Variants in MLKL observed in about 807,000 individuals in gnomAD.
The protein encoded by MLKL is mixed lineage kinase domain-like protein.
Under a neutral mutation model 56.5 loss-of-function variants are expected in MLKL, and 55 were observed. The ratio of observed to expected loss-of-function variants is 0.97; its 90% CI spans 0.78 to 1.22. MLKL has a LOEUF of 1.22. Ranked by LOEUF, MLKL falls within the 50% of genes most tolerant of loss-of-function variation. The probability of loss-of-function intolerance (pLI) is 0.00; values close to 1 mark genes in which losing one functional copy is unlikely to be tolerated. For synonymous variants in MLKL, 251 were observed against 208.3 expected, an observed-to-expected ratio of 1.20 and a Z score of -1.76; for missense variants, 694 against 573.9, an observed-to-expected ratio of 1.21 and a Z score of -2.14.
intron 1 of MLKL, among the ~76,000 whole-genome samples, chr16:74,696,706 C>G (rs963356018): frequency 3.3e-5 from 5 of 150,744 alleles, no homozygotes; most frequent in Admixed American, 2.0e-4. Context: ...GCCAGTAATC[C>G]CAGCACTTTG....
chr16:74,698,749 T>TG (rs1468142285), intron 1 of MLKL, among the ~76,000 whole-genome samples: 2 of 151,996 alleles, frequency 1.3e-5, no homozygotes, highest in African/African-American at 4.8e-5. Flanking sequence ...GAAAGGAAAA[T>TG]GGGGAAAATA....
chr16:74,690,100 G>T (rs1960576419), intron 4 of MLKL, among the ~76,000 whole-genome samples: 2 of 152,144 alleles, frequency 1.3e-5, no homozygotes, highest in South Asian at 4.1e-4. Flanking sequence ...ATGGAAAAAA[G>T]GGCAGAGGAT....
rs754580247 is a variant in MLKL at position 74,691,466 on chromosome 16, G to C, written c.536-3C>G. ...CTGCATGCATTTTGGTGGTAAATCT[G>C]ACCTCACCCCCGAGAGGAAAGAAGA... On this transcript the variant is annotated splice_polypyrimidine_tract_variant and splice_region_variant and intron_variant, in intron 3 of 10. Coordinates refer to ENST00000308807, the MANE Select transcript of MLKL (RefSeq NM_152649.4). 6.2e-7 allele frequency: 1 copy of C among 1,610,814 alleles called. No homozygotes were observed. The highest frequency in any genetic ancestry group is 1.1e-5 in the South Asian group (1 of 90,936).
chr16:74,698,571 G>T (rs1341630637), intron 1 of MLKL, among the ~76,000 whole-genome samples: 1 of 152,172 alleles, frequency 6.6e-6, no homozygotes, highest in Non-Finnish European at 1.5e-5. Flanking sequence ...CATTTCTTGG[G>T]AATTGTGAGG....
At position 74,684,493 on chromosome 16, in the gene MLKL, G is replaced by GT. The variant is rs998856343; in HGVS notation, c.820+992dup. 2.9e-3 allele frequency among the ~76,000 whole-genome samples: 421 copies of GT among 142,844 alleles called. 1 individual carries two copies. The highest frequency in any genetic ancestry group is 0.011 in the Middle Eastern group (3 of 274). 93.7% of individuals were successfully genotyped at this position (142,844 alleles called of 152,430 possible). On this transcript the variant is annotated intron_variant, in intron 5 of 10. Transcript: ENST00000308807. ...CTCTTGGTAGAGGGGTAAAGTAATG[G>GT]TTTTTTTTTTTGTTTGTTTGAGACA...
At chr16:74,681,303 G>A (rs780029637) in intron 6 of MLKL, among the ~76,000 whole-genome samples, 1 of 152,112 alleles carries the variant, frequency 6.6e-6, no homozygotes, top group Non-Finnish European at 1.5e-5. Context: ...TGGGATTATG[G>A]GCGTGAGCCA....
At chr16:74,675,960 G>C in intron 7 of MLKL, 196 bp from the exon 8 acceptor site, 2 of 601,442 alleles carry the variant, frequency 3.3e-6, no homozygotes, top group Non-Finnish European at 5.7e-6. Flanking sequence ...CAGTGACCAA[G>C]AGAAACACAA....
intron 7 of MLKL, chr16:74,676,522 G>A (rs1959604206): frequency 1.0e-6 from 1 of 954,182 alleles, no homozygotes; most frequent in Non-Finnish European, 1.2e-6. Context: ...CCTGAGCACT[G>A]ACATTCTCTT....
At position 74,695,172 on chromosome 16, in the gene MLKL, A is replaced by C. The variant is rs559035786; in HGVS notation, c.460+126T>G. ...CAGGCGAGAGCCATCGCGCCCAGCT[A>C]GGAGTTTTGAGGTACAAGTATATTA... is the stretch of plus-strand genomic sequence containing the variant. On this transcript the variant is annotated intron_variant, in intron 2 of 10. Coordinates refer to ENST00000308807, the MANE Select transcript of MLKL (RefSeq NM_152649.4). 5.8e-5 allele frequency: 59 copies of C among 1,024,438 alleles called. 1 individual carries two copies. The Admixed American group carries it at 6.2e-4, about 11-fold the overall frequency. 63.5% of individuals were successfully genotyped at this position (1,024,438 alleles called of 1,614,324 possible).
intron 4 of MLKL, among the ~76,000 whole-genome samples, chr16:74,687,029 G>A (rs1190615701): frequency 6.6e-6 from 1 of 152,146 alleles, no homozygotes; most frequent in Non-Finnish European, 1.5e-5. Context: ...CAGGCTGAGT[G>A]CAATGGCATG....
chr16:74,687,681 GT>G (rs535550027), intron 4 of MLKL, among the ~76,000 whole-genome samples: 38 of 147,408 alleles, frequency 2.6e-4, no homozygotes, highest in South Asian at 1.3e-3. Flanking sequence ...ATTTTTCACA[GT>G]TTTTTTTTTT....
chr16:74,676,230 TG>T (rs1417822501), intron 7 of MLKL: 2 of 993,118 alleles, frequency 2.0e-6, no homozygotes, highest in Non-Finnish European at 2.4e-6. Flanking sequence ...TCTGACTTTA[TG>T]GGGGGTCAGC....
chr16:74,687,886 C>T (rs1031127268), intron 4 of MLKL, among the ~76,000 whole-genome samples: 7 of 151,458 alleles, frequency 4.6e-5, no homozygotes, highest in African/African-American at 7.3e-5. Flanking sequence ...AGTGCAGTGG[C>T]GTGATCTCAG....
intron 6 of MLKL, among the ~76,000 whole-genome samples, chr16:74,680,267 T>TC (rs1959862501): frequency 6.6e-6 from 1 of 152,118 alleles, no homozygotes; most frequent in African/African-American, 2.4e-5. Context: ...ATTAACAGTG[T>TC]CCCCTACAAC....
At position 74,671,950 on chromosome 16, in the gene MLKL, G is replaced by A. The variant is rs1268232266; in HGVS notation, c.*554C>T. The A allele has an allele frequency of 1.3e-5, 2 of 152,324 alleles. No homozygotes were observed. Among genetic ancestry groups the A allele is most frequent in the Non-Finnish European group, 2.9e-5 (2 of 68,196 alleles). The allele number at this position is 152,324 out of a possible 1,614,324, so 9.4% of individuals were successfully genotyped here. On this transcript the variant is annotated 3_prime_UTR_variant, in exon 11 of 11. Transcript: ENST00000308807. ...TTGAGTGGTTCTTCTGGTCTTGATT[G>A]GCCTCATTCATGTGTTAGCTGCCAT...
intron 2 of MLKL, among the ~76,000 whole-genome samples, chr16:74,692,672 T>G (rs1960744324): frequency 6.6e-6 from 1 of 152,246 alleles, no homozygotes; most frequent in South Asian, 2.1e-4. Flanking sequence ...GAGGGAGCAT[T>G]TAACTGACTC....
At chr16:74,700,140 C>T (rs1225872568) in intron 1 of MLKL, among the ~76,000 whole-genome samples, 1 of 152,170 alleles carries the variant, frequency 6.6e-6, no homozygotes, top group African/African-American at 2.4e-5. Context: ...CTCTCTCTCA[C>T]TCTGTCTCTC....
intron 7 of MLKL, 110 bp downstream of exon 7, chr16:74,678,789 A>C: frequency 2.5e-6 from 2 of 797,492 alleles, no homozygotes; most frequent in Middle Eastern, 4.7e-4. Context: ...CTCTAAATAA[A>C]TAAATAAATA....
intron 5 of MLKL, among the ~76,000 whole-genome samples, chr16:74,685,091 T>C (rs1960245099): frequency 6.6e-6 from 1 of 152,162 alleles, no homozygotes; most frequent in Non-Finnish European, 1.5e-5. Context: ...CTTGAACTCC[T>C]GACCTCAAGT....
Sources: allele counts gnomAD v4.1 joint callset (sites outside exome capture counted in the v4.1 genomes callset), GRCh38; gene constraint gnomAD v4.1.1; transcripts MANE v1.5; gene names NCBI Gene and HGNC (gene_info 2026-07-23, HGNC 2026-07-21).